The following RHOBTB1 variants were observed in gnomAD, a reference collection of about 807,000 sequenced individuals.
The protein encoded by RHOBTB1 is rho-related BTB domain-containing protein 1.
Under a neutral mutation model 71.6 loss-of-function variants are expected in RHOBTB1, and 40 were observed. That is an observed-to-expected ratio of 0.56 (90% CI 0.43 to 0.73). RHOBTB1 has a LOEUF of 0.73. Among genes scored for constraint, RHOBTB1 ranks in the 30% least tolerant of loss-of-function variants. The probability of loss-of-function intolerance (pLI) is 0.00; values close to 1 mark genes in which losing one functional copy is unlikely to be tolerated. For synonymous variants in RHOBTB1, 319 were observed against 334.9 expected (o/e 0.95, Z 0.52); for missense variants, 797 against 894.0 (o/e 0.89, Z 1.38).
chr10:60,987,287 G>A (rs1589464700), intron 1 of RHOBTB1, among the ~76,000 whole-genome samples: 1 of 152,020 alleles, frequency 6.6e-6, no homozygotes, highest in African/African-American at 2.4e-5. Flanking sequence ...CTTCCACAAG[G>A]TTCTCCACTT....
At chr10:60,988,894 A>T (rs2086763242) in intron 1 of RHOBTB1, among the ~76,000 whole-genome samples, 1 of 152,194 alleles carries the variant, frequency 6.6e-6, no homozygotes, top group Non-Finnish European at 1.5e-5. Context: ...TGAAAGTCGC[A>T]TTTATAGTAC....
intron 2 of RHOBTB1, among the ~76,000 whole-genome samples, chr10:60,974,885 T>C (rs764669077): frequency 3.9e-5 from 6 of 152,050 alleles, no homozygotes; most frequent in African/African-American, 7.2e-5. Context: ...GAAGGCATCG[T>C]GATGGCATGT....
chr10:60,981,171 T>C (rs1364731171), intron 2 of RHOBTB1, among the ~76,000 whole-genome samples: 1 of 152,186 alleles, frequency 6.6e-6, no homozygotes, highest in African/African-American at 2.4e-5. Context: ...ATTTGAAGTT[T>C]CTCTGTCAGT....
chr10:60,942,101 A>C (rs983069930), intron 1 of RHOBTB1, among the ~76,000 whole-genome samples: 2 of 152,338 alleles, frequency 1.3e-5, no homozygotes, highest in East Asian at 1.9e-4. Context: ...CGATACCAAA[A>C]AAACAAACAA....
chr10:60,995,407 TATC>T (rs903413162), intron 1 of RHOBTB1, among the ~76,000 whole-genome samples: 1 of 152,158 alleles, frequency 6.6e-6, no homozygotes, highest in Admixed American at 6.5e-5. Flanking sequence ...GCACCCAAGA[TATC>T]ATTTCCAAAA....
At chr10:60,986,433 A>ATATATATATATATATATATATATATAAT (rs35572813) in intron 1 of RHOBTB1, among the ~76,000 whole-genome samples, 136 of 136,350 alleles carry the variant, frequency 1.0e-3, no homozygotes, top group African/African-American at 3.7e-3. Flanking sequence ...ATATATATAA[A>ATATATATATATATATATATATATATAAT]ATATATATAG....
chr10:60,961,467 A>T (rs887444387), intron 2 of RHOBTB1, among the ~76,000 whole-genome samples: 5 of 152,196 alleles, frequency 3.3e-5, no homozygotes, highest in Non-Finnish European at 7.4e-5. Context: ...ATTTTACATG[A>T]ACATATAAGT....
chr10:60,994,076 G>T (rs758623739), intron 1 of RHOBTB1, among the ~76,000 whole-genome samples: 1 of 152,054 alleles, frequency 6.6e-6, no homozygotes, highest in Admixed American at 6.6e-5. Flanking sequence ...CAAAATATTA[G>T]AAATTATTGC....
intron 1 of RHOBTB1, among the ~76,000 whole-genome samples, chr10:60,986,433 A>ATT (rs35572813): frequency 7.3e-6 from 1 of 136,402 alleles, no homozygotes; most frequent in Non-Finnish European, 1.5e-5. Context: ...ATATATATAA[A>ATT]ATATATATAG....
intron 2 of RHOBTB1, among the ~76,000 whole-genome samples, chr10:60,923,601 T>C (rs1361628006): frequency 3.3e-5 from 5 of 152,144 alleles, no homozygotes; most frequent in Non-Finnish European, 7.3e-5. Context: ...CAAAATGCAA[T>C]CTCTTGAATA....
rs759907146 is a variant in RHOBTB1, at chr10:60,886,238, G to A, written c.1457-8C>T. On this transcript the variant is annotated splice_polypyrimidine_tract_variant and splice_region_variant and intron_variant, in intron 6 of 10. Transcript: ENST00000337910. ...CCAATTTAAATGTCACGTCTGCCAA[G>A]GGATTGAGGAAACACAACCATGAGC... The A allele has an allele frequency of 6.2e-7, 1 of 1,609,922 alleles. No individual in the cohort carries two copies.
intron 4 of RHOBTB1, among the ~76,000 whole-genome samples, chr10:60,909,463 A>G (rs1396141739): frequency 1.3e-5 from 2 of 152,184 alleles, no homozygotes; most frequent in African/African-American, 4.8e-5. Flanking sequence ...TTTTCATGAC[A>G]CTGTTTTAGA....
chr10:60,946,921 A>G (rs1565108984), upstream of RHOBTB1, among the ~76,000 whole-genome samples: 1 of 152,228 alleles, frequency 6.6e-6, no homozygotes, highest in African/African-American at 2.4e-5. Flanking sequence ...CAAGAAAATA[A>G]GTTGGTATCA....
intron 2 of RHOBTB1, among the ~76,000 whole-genome samples, chr10:60,935,021 A>T (rs929392318): frequency 6.6e-6 from 1 of 152,210 alleles, no homozygotes; most frequent in African/African-American, 2.4e-5. Context: ...TTTGTTTTGC[A>T]TACTGCTATC....
At chr10:60,986,880 C>T (rs2086685581) in intron 1 of RHOBTB1, among the ~76,000 whole-genome samples, 3 of 152,154 alleles carry the variant, frequency 2.0e-5, no homozygotes, top group Non-Finnish European at 2.9e-5. Context: ...CCTTTCTGTG[C>T]CTCTCTAACA....
intron 4 of RHOBTB1, among the ~76,000 whole-genome samples, chr10:60,900,349 C>T (rs2082357677): frequency 6.6e-6 from 1 of 152,128 alleles, no homozygotes; most frequent in Admixed American, 6.5e-5. Flanking sequence ...TGGCTGCATT[C>T]TGTATACACA....
chr10:60,900,861 T>G (rs1296718766), intron 4 of RHOBTB1, among the ~76,000 whole-genome samples: 1 of 152,242 alleles, frequency 6.6e-6, no homozygotes, highest in Non-Finnish European at 1.5e-5. Context: ...GTTAACCGGT[T>G]AATCTCTATA....
At chr10:60,916,004 T>G (rs2083252314) in intron 2 of RHOBTB1, among the ~76,000 whole-genome samples, 1 of 152,190 alleles carries the variant, frequency 6.6e-6, no homozygotes, top group Non-Finnish European at 1.5e-5. Context: ...ATTTCAAAAT[T>G]CCACTCTCAG....
At chr10:60,948,521 A>T (rs1178202411), upstream of RHOBTB1, among the ~76,000 whole-genome samples, 1 of 152,206 alleles carries the variant, frequency 6.6e-6, no homozygotes, top group Non-Finnish European at 1.5e-5. Flanking sequence ...TTGTCCAATC[A>T]GGACTAACCT....
Sources: gnomAD v4.1 joint callset for allele counts (sites outside exome capture counted in the v4.1 genomes callset) on GRCh38, gnomAD v4.1.1 for gene constraint, MANE v1.5 for transcripts, NCBI Gene and HGNC (gene_info 2026-07-23, HGNC 2026-07-21) for gene names.